HLCS: variants seen among roughly 807,000 people sequenced by gnomAD.
HLCS encodes biotin--protein ligase.
In HLCS, 53 loss-of-function variants were observed where a neutral mutation model predicts 75.0. The observed-to-expected ratio is 0.71, with a 90% CI of 0.57 to 0.89. The LOEUF (loss-of-function observed/expected upper bound fraction) is 0.89, where lower values mean the gene tolerates loss of function less well. HLCS is among the 40% of genes least tolerant of loss of function. The probability of loss-of-function intolerance (pLI) is 0.00; values close to 1 mark genes in which losing one functional copy is unlikely to be tolerated. For synonymous variants in HLCS, 431 were observed against 428.6 expected (o/e 1.01, Z -0.07); for missense variants, 966 against 1,074.0 (o/e 0.90, Z 1.41).
chr21:36,884,078 C>T (rs2064346227), intron 6 of HLCS, among the ~76,000 whole-genome samples: 2 of 152,182 alleles, frequency 1.3e-5, no homozygotes, highest in Admixed American at 1.3e-4. Flanking sequence ...TGCGTGGATG[C>T]TTAAGGGCGA....
At chr21:36,801,027 G>T (rs1419247468) in intron 6 of HLCS, among the ~76,000 whole-genome samples, 1 of 152,268 alleles carries the variant, frequency 6.6e-6, no homozygotes, top group South Asian at 2.1e-4. Flanking sequence ...GGCAACATTC[G>T]CCTGAATGGA....
chr21:36,902,118 C>T (rs777754889), intron 5 of HLCS, among the ~76,000 whole-genome samples: 4 of 151,814 alleles, frequency 2.6e-5, no homozygotes, highest in Non-Finnish European at 4.4e-5. Context: ...GTTTGAGAGG[C>T]GTGATGGAGG....
chr21:36,933,777 G>C (rs368322798), intron 4 of HLCS, among the ~76,000 whole-genome samples: 1 of 152,216 alleles, frequency 6.6e-6, no homozygotes, highest in South Asian at 2.1e-4. Context: ...GAAGGGATGA[G>C]AGGGGTGCTC....
At chr21:36,969,436 G>C (rs1279715781), upstream of HLCS, among the ~76,000 whole-genome samples, 2 of 152,138 alleles carry the variant, frequency 1.3e-5, no homozygotes, top group African/African-American at 4.8e-5. Flanking sequence ...TCTGCATTTT[G>C]ACAAAATCCC....
chr21:36,789,081 C>T (rs2060783271), intron 6 of HLCS, among the ~76,000 whole-genome samples: 1 of 152,116 alleles, frequency 6.6e-6, no homozygotes, highest in Admixed American at 6.6e-5. Context: ...TTCAGACAGA[C>T]TCTCATTCTG....
intron 6 of HLCS, among the ~76,000 whole-genome samples, chr21:36,867,168 T>C (rs1569120765): frequency 6.6e-6 from 1 of 152,166 alleles, no homozygotes; most frequent in Non-Finnish European, 1.5e-5. Context: ...CACATGTACA[T>C]ATATCTGGGG....
chr21:36,833,583 TA>T (rs202073421), intron 6 of HLCS, among the ~76,000 whole-genome samples: 5 of 141,966 alleles, frequency 3.5e-5, no homozygotes, highest in East Asian at 2.0e-4. Context: ...GGAGACTGTC[TA>T]AAAAAAAATT....
intron 6 of HLCS, among the ~76,000 whole-genome samples, chr21:36,894,521 A>C (rs1423886969): frequency 6.6e-6 from 1 of 152,190 alleles, no homozygotes; most frequent in East Asian, 1.9e-4. Flanking sequence ...TCACTGACTC[A>C]GTAGGTTTCT....
chr21:36,778,176 A>T lies in HLCS; in HGVS notation c.1893-10891T>A, dbSNP rs559482625. Among the ~76,000 whole-genome samples, 17 of 152,026 alleles carry T rather than the reference A, an allele frequency of 1.1e-4. No individual in the cohort carries two copies. In the East Asian group the frequency reaches 1.7e-3, roughly 16 times the overall value. On this transcript the variant is annotated intron_variant, in intron 6 of 10. Transcript: ENST00000674895. ...AGTAGAGATGGGGTTTCACCATGTTAGCCAGGATGGTCTTGATCTCCTGCC... is the reference window on the plus strand; with the variant it reads ...AGTAGAGATGGGGTTTCACCATGTTTGCCAGGATGGTCTTGATCTCCTGCC...
chr21:36,855,309 T>C (rs754915870), intron 6 of HLCS, among the ~76,000 whole-genome samples: 8 of 151,916 alleles, frequency 5.3e-5, no homozygotes, highest in South Asian at 4.2e-4. Context: ...AGCGGGTGGA[T>C]TGCCTGAGGT....
chr21:36,826,900 C>G (rs1433816332), intron 6 of HLCS, among the ~76,000 whole-genome samples: 1 of 152,124 alleles, frequency 6.6e-6, no homozygotes, highest in Non-Finnish European at 1.5e-5. Context: ...ACAGAGGTGA[C>G]AGAGGATCCA....
chr21:36,978,887 A>G (rs1007327509), intron 1 of HLCS, among the ~76,000 whole-genome samples: 4 of 152,202 alleles, frequency 2.6e-5, no homozygotes, highest in African/African-American at 9.6e-5. Context: ...AGTGAGTCAC[A>G]TGACAACCGA....
chr21:36,976,828 G>A (rs2068950964), intron 1 of HLCS, among the ~76,000 whole-genome samples: 1 of 151,112 alleles, frequency 6.6e-6, no homozygotes, highest in African/African-American at 2.4e-5. Flanking sequence ...GTGATCTTAA[G>A]CAAATTATCT....
At chr21:36,962,794 A>C (rs923595737) in intron 1 of HLCS, among the ~76,000 whole-genome samples, 39 of 31,072 alleles carry the variant, frequency 1.3e-3, no homozygotes, top group Non-Finnish European at 2.9e-3. Context: ...ACCCTATCTC[A>C]AAAAAAAAAA....
Position 36,849,162 on chromosome 21 carries a change from T to C in HLCS, c.1892+47698A>G, listed in dbSNP as rs376555083. Among the ~76,000 whole-genome samples, 3 of 152,092 alleles carry C rather than the reference T, an allele frequency of 2.0e-5. No homozygotes were observed. In the East Asian group the frequency reaches 5.8e-4, roughly 29 times the overall value. ...GTTATTTTAACAATGACCCAGAAAATGTTAAACTAAAGAAGTTTGTTACAT... is the reference window on the plus strand; with the variant it reads ...GTTATTTTAACAATGACCCAGAAAACGTTAAACTAAAGAAGTTTGTTACAT... On this transcript the variant is annotated intron_variant, in intron 6 of 10. Coordinates refer to ENST00000674895, the MANE Select transcript of HLCS (RefSeq NM_001352514.2).
chr21:36,756,084 T>A (rs2089557593), intron 10 of HLCS, among the ~76,000 whole-genome samples: 1 of 152,122 alleles, frequency 6.6e-6, no homozygotes, highest in African/African-American at 2.4e-5. Context: ...GTCCCTGCAG[T>A]TTCTCTAACA....
chr21:36,980,111 C>T (rs2069073267), intron 1 of HLCS, among the ~76,000 whole-genome samples: 1 of 148,830 alleles, frequency 6.7e-6, no homozygotes, highest in South Asian at 2.1e-4. Flanking sequence ...TTGCTTGAGC[C>T]CAGGAGTTCA....
chr21:36,925,165 A>G (rs2066346363), intron 5 of HLCS, among the ~76,000 whole-genome samples: 1 of 152,138 alleles, frequency 6.6e-6, no homozygotes, highest in Non-Finnish European at 1.5e-5. Flanking sequence ...TTAAGTACGT[A>G]TTACCCATTC....
chr21:36,956,986 G>A (rs963766834), intron 2 of HLCS, among the ~76,000 whole-genome samples: 2 of 148,266 alleles, frequency 1.3e-5, no homozygotes, highest in Non-Finnish European at 3.0e-5. Flanking sequence ...CCAGGAGGTA[G>A]ATGTTGCAGT....
Sources: allele counts gnomAD v4.1 joint callset (sites outside exome capture counted in the v4.1 genomes callset), GRCh38; gene constraint gnomAD v4.1.1; transcripts MANE v1.5; gene names NCBI Gene and HGNC (gene_info 2026-07-23, HGNC 2026-07-21).